PLG: variants seen among roughly 807,000 people sequenced by gnomAD.
PLG encodes plasmin.
PLG carries 41 observed loss-of-function variants against 104.4 expected under a neutral mutation model. The ratio of observed to expected loss-of-function variants is 0.39; its 90% CI spans 0.31 to 0.51. The LOEUF (loss-of-function observed/expected upper bound fraction) is 0.51. Among genes scored for constraint, PLG ranks in the 20% least tolerant of loss-of-function variants. The pLI is 0.76. For missense variants in PLG, 891 were observed against 1,003.6 expected, an observed-to-expected ratio of 0.89 and a Z score of 1.52; for synonymous variants, 337 against 357.1, an observed-to-expected ratio of 0.94 and a Z score of 0.63.
rs1778419877 is a variant in PLG, at chr6:160,752,505, A to G, written c.2271+245A>G. On this transcript the variant is annotated intron_variant, in intron 18 of 18. Coordinates refer to ENST00000308192, the MANE Select transcript of PLG (RefSeq NM_000301.5). The surrounding 1 kb of genome is among the most constrained non-coding windows in gnomAD (Gnocchi z 4.7). ...TTAAGTGCCATAACTACCTCAGGCC[A>G]CTCACCCTCCTGGGGTGTGCTGGTG... Among the ~76,000 whole-genome samples the G allele has an allele frequency of 6.6e-6, 1 of 152,042 alleles. No homozygotes were observed. Among genetic ancestry groups the G allele is most frequent in the Non-Finnish European group, 1.5e-5 (1 of 68,006 alleles).
chr6:160,747,588 T>A (rs1392182783), intron 17 of PLG, among the ~76,000 whole-genome samples: 1 of 151,568 alleles, frequency 6.6e-6, no homozygotes, highest in Non-Finnish European at 1.5e-5. Context: ...GTTTTTCACA[T>A]CAGCCTTTGC....
intron 17 of PLG, among the ~76,000 whole-genome samples, chr6:160,751,304 T>C (rs1055972056): frequency 3.9e-5 from 6 of 152,174 alleles, no homozygotes; most frequent in African/African-American, 1.4e-4. Context: ...ATTTGGGCAG[T>C]GACTCCACAG....
At chr6:160,722,662 C>T in intron 10 of PLG, 95 bp downstream of exon 10, 1 of 1,109,778 alleles carries the variant, frequency 9.0e-7, no homozygotes, top group East Asian at 2.4e-5. Flanking sequence ...CTTCCTAGGA[C>T]CAAATTTCTC....
rs572157417 is a variant in PLG at position 160,725,963 on chromosome 6, C to T, written c.1256+3396C>T. On this transcript the variant is annotated intron_variant, in intron 10 of 18. Coordinates refer to ENST00000308192, the MANE Select transcript of PLG (RefSeq NM_000301.5). This position sits in a 1 kb window ranked among gnomAD's most constrained non-coding sequence, Gnocchi z 6.3. ...ATATATGAAGCAAACACTGACAGAA[C>T]TGAAGAGACAAACAGATAAGCCCAC... Among the ~76,000 whole-genome samples, 7 of 152,236 alleles carry T rather than the reference C, an allele frequency of 4.6e-5. No individual in the cohort carries two copies. Among genetic ancestry groups the T allele is most frequent in the African/African-American group, 1.2e-4 (5 of 41,556 alleles).
intron 7 of PLG, among the ~76,000 whole-genome samples, chr6:160,718,086 C>A (rs1430758108): frequency 6.6e-6 from 1 of 152,086 alleles, no homozygotes; most frequent in African/African-American, 2.4e-5. Context: ...CCCACCTCTA[C>A]TAAAAATACA....
At chr6:160,702,588 T>A (rs1374640122) in intron 1 of PLG, among the ~76,000 whole-genome samples, 1 of 152,206 alleles carries the variant, frequency 6.6e-6, no homozygotes, top group Non-Finnish European at 1.5e-5. Context: ...TTTTCAAATC[T>A]AAATGAGTGC....
chr6:160,741,351 C>A lies in PLG; in HGVS notation c.2059C>A (p.Pro687Thr), dbSNP rs1269244223. Reference sequence around the variant, plus strand: ...TGACAAAGTAATCCCAGCTTGTCTGCCATCCCCAAATTATGTGGTCGCTGA... The same window carrying A: ...TGACAAAGTAATCCCAGCTTGTCTGACATCCCCAAATTATGTGGTCGCTGA... ...ITDKVIPACLPSPNYVVADRT... is the reference protein window; with the variant it reads ...ITDKVIPACLTSPNYVVADRT... The change falls in exon 17 of 19, where the codon CCA (proline) becomes ACA (threonine). Residue 687 changes from proline to threonine, a missense_variant. This residue lies in a region of PLG where 854 missense variants were observed against 932.1 expected (regional missense o/e 0.92). Transcript: ENST00000308192. This position sits in a 1 kb window ranked among gnomAD's most constrained non-coding sequence, Gnocchi z 4.7. 6.2e-7 allele frequency: 1 copy of A among 1,612,650 alleles called. No homozygotes were observed. Among genetic ancestry groups the A allele is most frequent in the Non-Finnish European group, 8.5e-7 (1 of 1,178,590 alleles).
In PLG at chr6:160,731,847, G is replaced by C. The variant is rs1255650536; in HGVS notation, c.1541G>C (p.Ser514Thr). The C allele has an allele frequency of 6.2e-7, 1 of 1,614,138 alleles. No homozygotes were observed. The highest frequency in any genetic ancestry group is 8.5e-7 in the Non-Finnish European group (1 of 1,180,008). ...DWAAQEPHRH[S>T]IFTPETNPRA... ...GCTGCCCAGGAGCCCCATAGACACA[G>C]CATTTTCACTCCAGAGACAAATCCA... Residue 514 changes from serine to threonine, a missense_variant, in exon 12 of 19, where the codon AGC becomes ACC. Ser to Thr is a moderately conservative substitution (Grantham distance 58, BLOSUM62 1). This residue lies in a region of PLG where 854 missense variants were observed against 932.1 expected (regional missense o/e 0.92). Coordinates refer to ENST00000308192, the MANE Select transcript of PLG (RefSeq NM_000301.5). This position sits in a 1 kb window ranked among gnomAD's most constrained non-coding sequence, Gnocchi z 5.1.
chr6:160,741,513 T>C lies in PLG; in HGVS notation c.2125+96T>C. ...TTGGAGAAAGCTGTGCAAATTCCTA[T>C]CCATGAATGTGGTCCACCCCACTCC... On this transcript the variant is annotated intron_variant, in intron 17 of 18. Transcript: ENST00000308192. The surrounding 1 kb of genome is among the most constrained non-coding windows in gnomAD (Gnocchi z 4.7). 1 of 830,790 alleles carries C rather than the reference T, an allele frequency of 1.2e-6. No homozygotes were observed. The highest frequency in any genetic ancestry group is 1.4e-5 in the South Asian group (1 of 71,288). 51.5% of individuals were successfully genotyped at this position (830,790 alleles called of 1,614,324 possible).
chr6:160,710,968 A>T (rs1475693761), intron 3 of PLG, 109 bp from the exon 4 acceptor site: 1 of 956,126 alleles, frequency 1.0e-6, no homozygotes, highest in Non-Finnish European at 1.7e-6. Context: ...TAGAAAGCAG[A>T]AACAGGGGGT....
chr6:160,726,025 A>G lies in PLG; in HGVS notation c.1256+3458A>G, dbSNP rs778558102. Among the ~76,000 whole-genome samples, 3 of 152,146 alleles carry G rather than the reference A, an allele frequency of 2.0e-5. No homozygotes were observed. Among genetic ancestry groups the G allele is most frequent in the Non-Finnish European group, 2.9e-5 (2 of 67,988 alleles). On this transcript the variant is annotated intron_variant, in intron 10 of 18. Coordinates refer to ENST00000308192, the MANE Select transcript of PLG (RefSeq NM_000301.5). This position sits in a 1 kb window ranked among gnomAD's most constrained non-coding sequence, Gnocchi z 4.4. ...GAGATATCCTAATGTCTCTCTCCGT[A>G]TGGTTATACATCTTCCCAAACAAAA...
At position 160,720,410 on chromosome 6, in the gene PLG, C is replaced by CTTTTTTTTTTTTTTTTTTTTTTTTTTT. The variant is rs3057066; in HGVS notation, c.1096+1573_1096+1599dup. Among the ~76,000 whole-genome samples, 10 of 58,520 alleles carry CTTTTTTTTTTTTTTTTTTTTTTTTTTT rather than the reference C, an allele frequency of 1.7e-4. 1 individual carries two copies. The highest frequency in any genetic ancestry group is 6.2e-4 in the Admixed American group (2 of 3,206). The allele number at this position is 58,520 out of a possible 152,430, so 38.4% of individuals were successfully genotyped here. ...TCTTTTCTCTTTTTTCTTTTCTTTT[C>CTTTTTTTTTTTTTTTTTTTTTTTTTTT]TTTTTTTTTTTTTTTTTTTTTTTTT... On this transcript the variant is annotated intron_variant, in intron 9 of 18. Coordinates refer to ENST00000308192, the MANE Select transcript of PLG (RefSeq NM_000301.5).
Position 160,738,969 on chromosome 6 carries a change from T to G in PLG, c.1878-99T>G, listed in dbSNP as rs1778137553. 8 of 1,398,182 alleles carry G rather than the reference T, an allele frequency of 5.7e-6. No homozygotes were observed. The Admixed American group carries it at 1.4e-4, about 24-fold the overall frequency. The allele number at this position is 1,398,182 out of a possible 1,614,324, so 86.6% of individuals were successfully genotyped here. On this transcript the variant is annotated intron_variant, in intron 15 of 18. Transcript: ENST00000308192. The surrounding 1 kb of genome is among the most constrained non-coding windows in gnomAD (Gnocchi z 6.8). ...CCACTCAGAAGTCACTAATTCTGAG[T>G]GGCCAAGGGTGTCAGGGAGACAGCA...
intron 3 of PLG, among the ~76,000 whole-genome samples, chr6:160,709,758 A>G (rs976627631): frequency 1.1e-4 from 16 of 152,222 alleles, no homozygotes; most frequent in African/African-American, 3.9e-4. Flanking sequence ...CTATGTCCCA[A>G]TGAAGATGTA....
intron 1 of PLG, among the ~76,000 whole-genome samples, chr6:160,703,375 G>C (rs1362607945): frequency 2.0e-5 from 3 of 151,928 alleles, no homozygotes; most frequent in Non-Finnish European, 4.4e-5. Flanking sequence ...GCCACCATCA[G>C]AATAAATTTT....
At chr6:160,717,250 G>T (rs545407788) in intron 7 of PLG, among the ~76,000 whole-genome samples, 95 of 152,250 alleles carry the variant, frequency 6.2e-4, no homozygotes, top group African/African-American at 2.1e-3. Flanking sequence ...AGATGAAATG[G>T]CAGACCTAGT....
rs1778163038 is a variant in PLG, at chr6:160,740,050, C to A, written c.2018+842C>A. ...GGGACAGGTGACAAGGCACGCAGGGCGCTCGCTGTGCTGGTGGTTCTGGAA... is the reference window on the plus strand; with the variant it reads ...GGGACAGGTGACAAGGCACGCAGGGAGCTCGCTGTGCTGGTGGTTCTGGAA... On this transcript the variant is annotated intron_variant, in intron 16 of 18. Transcript: ENST00000308192. This position sits in a 1 kb window ranked among gnomAD's most constrained non-coding sequence, Gnocchi z 5.2. Among the ~76,000 whole-genome samples, 1 of 152,230 alleles carries A rather than the reference C, an allele frequency of 6.6e-6. No homozygotes were observed. The highest frequency in any genetic ancestry group is 1.9e-4 in the East Asian group (1 of 5,164).
rs758412295 is a variant in PLG at position 160,718,672 on chromosome 6, TCA to T, written c.951-18_951-17del. 7.1e-5 allele frequency: 115 copies of T among 1,613,512 alleles called. No homozygotes were observed. The highest frequency in any genetic ancestry group is 8.6e-5 in the Non-Finnish European group (102 of 1,179,606). On this transcript the variant is annotated intron_variant, in intron 8 of 18. Coordinates refer to ENST00000308192, the MANE Select transcript of PLG (RefSeq NM_000301.5). ...CTTTTTTCTTTTTGGAAAGCTAAAC[TCA>T]CAATCACTTCTTTTTCAGAAATTTG...
intron 7 of PLG, among the ~76,000 whole-genome samples, chr6:160,717,186 C>T (rs553807965): frequency 2.0e-4 from 30 of 151,886 alleles, no homozygotes; most frequent in African/African-American, 7.2e-4. Flanking sequence ...CCAGTTTTTC[C>T]ACCTTGGGGA....
Sources: gnomAD v4.1 joint callset for allele counts (sites outside exome capture counted in the v4.1 genomes callset) on GRCh38, gnomAD v4.1.1 for gene constraint, gnomAD v4.1.1 regional missense constraint, Gnocchi (gnomAD v3.1) non-coding constraint, MANE v1.5 for transcripts, NCBI Gene and HGNC (gene_info 2026-07-23, HGNC 2026-07-21) for gene names.